Variants in GTF2IRD1 observed in about 807,000 individuals in gnomAD.
GTF2IRD1 encodes the protein general transcription factor II-I repeat domain-containing protein 1.
Under a neutral mutation model 113.2 loss-of-function variants are expected in GTF2IRD1, and 26 were observed. The observed-to-expected ratio is 0.23, with a 90% confidence interval of 0.17 to 0.32. The LOEUF (loss-of-function observed/expected upper bound fraction) is 0.32, where lower values mean the gene tolerates loss of function less well. Ranked by LOEUF, GTF2IRD1 falls within the 10% of genes least tolerant of loss-of-function variation. The probability of loss-of-function intolerance (pLI) is 1.00; values close to 1 mark genes in which losing one functional copy is unlikely to be tolerated. For synonymous variants in GTF2IRD1, 484 were observed against 529.1 expected (o/e 0.91, Z 1.17); for missense variants, 864 against 1,280.8 (o/e 0.67, Z 4.97).
intron 20 of GTF2IRD1, among the ~76,000 whole-genome samples, chr7:74,558,419 G>GC (rs1799749459): frequency 7.6e-6 from 1 of 132,106 alleles, no homozygotes; most frequent in Non-Finnish European, 1.5e-5. Flanking sequence ...GAGTACAGTG[G>GC]CGTGATCATG....
Position 74,556,470 on chromosome 7 carries a change from G to A in GTF2IRD1, c.2023+976G>A, listed in dbSNP as rs587675612. Among the ~76,000 whole-genome samples, 65 of 147,422 alleles carry A rather than the reference G, an allele frequency of 4.4e-4. 1 individual carries two copies. In the South Asian group the frequency reaches 0.013, roughly 30 times the overall value. On this transcript the variant is annotated intron_variant, in intron 19 of 26. Coordinates refer to ENST00000424337, the MANE Select transcript of GTF2IRD1 (RefSeq NM_005685.4). ...CAAGTAGCTGGGATTATAGGCACGT[G>A]CCACCACACCCGGCTAATTTTTGTA... is the stretch of plus-strand genomic sequence containing the variant.
Position 74,461,014 on chromosome 7 carries a change from C to T in GTF2IRD1, c.-7+6838C>T, listed in dbSNP as rs565394898. Among the ~76,000 whole-genome samples, 3 of 152,332 alleles carry T rather than the reference C, an allele frequency of 2.0e-5. No individual in the cohort carries two copies. The South Asian group carries it at 6.2e-4, about 32-fold the overall frequency. ...TAAGGGGCCGGGGTCATGGGGTCCA[C>T]GTCCACCTTCCGCCCGCCTGGGCAG... On this transcript the variant is annotated intron_variant, in intron 1 of 26. Coordinates refer to ENST00000424337, the MANE Select transcript of GTF2IRD1 (RefSeq NM_005685.4).
chr7:74,555,050 T>G lies in GTF2IRD1; in HGVS notation c.1917-124T>G, dbSNP rs1799514255. On this transcript the variant is annotated intron_variant, in intron 17 of 26. Coordinates refer to ENST00000424337, the MANE Select transcript of GTF2IRD1 (RefSeq NM_005685.4). This position sits in a 1 kb window ranked among gnomAD's most constrained non-coding sequence, Gnocchi z 5.3. ...TGTGGGGCGGCAGGGACTCCAGGCC[T>G]GAACTATGCATAGCCAGAAGGGTCC... 2.3e-6 allele frequency: 2 copies of G among 858,630 alleles called. No homozygotes were observed. The highest frequency in any genetic ancestry group is 1.8e-6 in the Non-Finnish European group (1 of 547,376). The allele number at this position is 858,630 out of a possible 1,614,324, so 53.2% of individuals were successfully genotyped here. A position where few individuals can be genotyped will look rare whatever the true frequency, so the allele number is the denominator to read the frequency against.
chr7:74,487,359 C>G (rs999227000), intron 1 of GTF2IRD1: 1 of 152,188 alleles, frequency 6.6e-6, no homozygotes, highest in Admixed American at 6.5e-5. Flanking sequence ...CTCTTTGTCT[C>G]TATTCCCTTT....
chr7:74,459,984 A>T (rs571724746), intron 1 of GTF2IRD1, among the ~76,000 whole-genome samples: 111 of 147,582 alleles, frequency 7.5e-4, no homozygotes, highest in African/African-American at 2.5e-3. Flanking sequence ...TTTTTTTTTT[A>T]ATTTGTATTG....
intron 1 of GTF2IRD1, among the ~76,000 whole-genome samples, chr7:74,456,018 G>T (rs1364209687): frequency 2.0e-5 from 3 of 152,202 alleles, no homozygotes; most frequent in Non-Finnish European, 1.5e-5. Context: ...TGGGAGAAGG[G>T]TCATTTATTT....
chr7:74,532,640 A>G (rs2130487759), intron 9 of GTF2IRD1, among the ~76,000 whole-genome samples: 1 of 152,164 alleles, frequency 6.6e-6, no homozygotes, highest in South Asian at 2.1e-4. Context: ...AAAGGAAGCC[A>G]GTTTTCCCCC....
chr7:74,458,734 A>C (rs1405097686), intron 1 of GTF2IRD1, among the ~76,000 whole-genome samples: 1 of 150,610 alleles, frequency 6.6e-6, no homozygotes, highest in Non-Finnish European at 1.5e-5. Flanking sequence ...AACTCACTGC[A>C]ACTTCCACCT....
At chr7:74,574,729 G>A (rs1446457992) in intron 22 of GTF2IRD1, among the ~76,000 whole-genome samples, 1 of 151,366 alleles carries the variant, frequency 6.6e-6, no homozygotes, top group Non-Finnish European at 1.5e-5. Flanking sequence ...CCAAAGTACT[G>A]GGATTACAGA....
intron 10 of GTF2IRD1, 100 bp from the exon 11 acceptor site, chr7:74,536,067 C>T (rs1162618289): frequency 2.1e-5 from 16 of 763,540 alleles, no homozygotes; most frequent in Middle Eastern, 2.4e-4. Flanking sequence ...GCCCTATCCC[C>T]GGGATTCCCC....
In GTF2IRD1 at chr7:74,518,268, A is replaced by G. The variant is rs782478077; in HGVS notation, c.551A>G (p.Lys184Arg). The change falls in exon 5 of 27, where the codon AAG becomes AGG. Residue 184 changes from lysine (K) to arginine (R), a missense_variant. Physicochemically the swap from Lys to Arg is conservative, Grantham distance 26. Transcript: ENST00000424337. ...AFRRPAEYDPKALMAILEHSH... is the reference protein window; with the variant it reads ...AFRRPAEYDPRALMAILEHSH... The stretch of plus-strand genomic sequence containing the variant: ...CGAAGGCCAGCCGAGTATGACCCCA[A>G]GGCCCTCATGGCCATCCTGGAACAC... The G allele has an allele frequency of 1.2e-6, 2 of 1,610,644 alleles. No homozygotes were observed. Among genetic ancestry groups the G allele is most frequent in the Non-Finnish European group, 1.7e-6 (2 of 1,178,140 alleles).
chr7:74,492,577 G>C, intron 1 of GTF2IRD1, among the ~76,000 whole-genome samples: 1 of 152,154 alleles, frequency 6.6e-6, no homozygotes, highest in East Asian at 1.9e-4. Flanking sequence ...GATGTTGATT[G>C]AGTCTTTTTT....
intron 1 of GTF2IRD1, among the ~76,000 whole-genome samples, chr7:74,505,767 C>T (rs782015905): frequency 9.2e-5 from 14 of 152,080 alleles, no homozygotes; most frequent in Non-Finnish European, 1.9e-4. Flanking sequence ...AGGCAGACCT[C>T]TCAGCTGGAT....
chr7:74,563,787 G>A (rs1800123154), intron 22 of GTF2IRD1, among the ~76,000 whole-genome samples: 1 of 152,110 alleles, frequency 6.6e-6, no homozygotes, highest in Non-Finnish European at 1.5e-5. Flanking sequence ...TCAGGAGGCC[G>A]AAGCAGGAGG....
At chr7:74,574,270 G>A (rs765180557) in intron 22 of GTF2IRD1, among the ~76,000 whole-genome samples, 6 of 149,452 alleles carry the variant, frequency 4.0e-5, no homozygotes, top group Admixed American at 6.8e-5. Context: ...CCAAAGTGCC[G>A]GGATTACTGG....
rs139952522 is a variant in GTF2IRD1, at chr7:74,534,844, C to T, written c.1275-269C>T. On this transcript the variant is annotated intron_variant, in intron 9 of 26. Coordinates refer to ENST00000424337, the MANE Select transcript of GTF2IRD1 (RefSeq NM_005685.4). ...CTTGAACCCTGGAGGCGGAGGTTGC[C>T]GTGAGCCAAGATCGCACCACTGCAC... is the stretch of plus-strand genomic sequence containing the variant. Among the ~76,000 whole-genome samples, 396 of 152,068 alleles carry T rather than the reference C, an allele frequency of 2.6e-3. 2 individuals are homozygous for T. Among genetic ancestry groups the T allele is most frequent in the African/African-American group, 9.2e-3 (382 of 41,496 alleles).
rs782570158 is a variant in GTF2IRD1, at chr7:74,589,889, C to T, written c.2359C>T (p.Leu787=). 19 of 1,612,332 alleles carry T rather than the reference C, an allele frequency of 1.2e-5. No individual in the cohort carries two copies. Among genetic ancestry groups the T allele is most frequent in the Non-Finnish European group, 1.5e-5 (18 of 1,178,522 alleles). The change falls in exon 23 of 27, where the codon CTG becomes TTG. Residue 787 remains leucine, a synonymous_variant. Transcript: ENST00000424337. ...CAACAGACTCGGGGAGAAGGTGATC[C>T]TGCGGGAGCAGGTGAAGGAACTCTT... ...DANRLGEKVI[L]REQVKELFNE...
intron 13 of GTF2IRD1, among the ~76,000 whole-genome samples, chr7:74,539,318 T>C (rs1798490305): frequency 3.3e-5 from 5 of 151,964 alleles, no homozygotes; most frequent in African/African-American, 1.2e-4. Context: ...TGTGGTGGTG[T>C]GTGCCTGTCG....
chr7:74,530,378 G>C (rs1264983365), intron 9 of GTF2IRD1, among the ~76,000 whole-genome samples: 7 of 152,040 alleles, frequency 4.6e-5, no homozygotes, highest in Non-Finnish European at 2.9e-5. Context: ...AGACGAGTCT[G>C]AGAGAGAATT....
Sources: gnomAD v4.1 joint callset for allele counts (sites outside exome capture counted in the v4.1 genomes callset) on GRCh38, gnomAD v4.1.1 for gene constraint, Gnocchi (gnomAD v3.1) non-coding constraint, MANE v1.5 for transcripts, NCBI Gene and HGNC (gene_info 2026-07-23, HGNC 2026-07-21) for gene names.